Variants in EXTL1 observed in about 807,000 individuals in gnomAD.
EXTL1 encodes exostosin-like 1.
EXTL1 carries 43 observed loss-of-function variants against 64.6 expected under a neutral mutation model. The ratio of observed to expected loss-of-function variants is 0.67; its 90% CI spans 0.52 to 0.86. The LOEUF (loss-of-function observed/expected upper bound fraction) is 0.86. Among genes scored for constraint, EXTL1 ranks in the 40% least tolerant of loss-of-function variants. The probability of loss-of-function intolerance (pLI) is 0.00; values close to 1 mark genes in which losing one functional copy is unlikely to be tolerated. For synonymous variants in EXTL1, 352 were observed against 360.5 expected, an observed-to-expected ratio of 0.98 and a Z score of 0.27; for missense variants, 766 against 879.0, an observed-to-expected ratio of 0.87 and a Z score of 1.62.
rs917910835 is a variant in EXTL1 at position 26,025,594 on chromosome 1, C to A, written c.779+2169C>A. ...TTTTTCCACCTTGGTTGAACGGTCT[C>A]TTGTTGCTTTGGAATAAATCTCCAC... On this transcript the variant is annotated intron_variant, in intron 1 of 10. Coordinates refer to ENST00000374280, the MANE Select transcript of EXTL1 (RefSeq NM_004455.3). The surrounding 1 kb of genome is among the most constrained non-coding windows in gnomAD (Gnocchi z 5.3). 2.0e-5 allele frequency among the ~76,000 whole-genome samples: 3 copies of A among 152,216 alleles called. No individual in the cohort carries two copies. The South Asian group carries it at 6.2e-4, about 32-fold the overall frequency.
At chr1:26,032,317 G>A in intron 6 of EXTL1, 79 bp from the exon 7 acceptor site, 1 of 918,110 alleles carries the variant, frequency 1.1e-6, no homozygotes, top group Admixed American at 2.1e-5. Flanking sequence ...CTTCCACCTT[G>A]AGAAAGATCA....
intron 1 of EXTL1, among the ~76,000 whole-genome samples, chr1:26,024,035 CAAAG>C (rs150663703): frequency 0.02 from 3,003 of 152,252 alleles, 95 homozygotes; most frequent in African/African-American, 0.068. Flanking sequence ...ATTAACCTCT[CAAAG>C]AAACAGCCTT....
intron 2 of EXTL1, 73 bp downstream of exon 2, chr1:26,029,359 CA>C: frequency 7.9e-7 from 1 of 1,263,758 alleles, no homozygotes; most frequent in Non-Finnish European, 1.2e-6. Flanking sequence ...ACTCTGGGTC[CA>C]GGCCAATGAG....
intron 1 of EXTL1, 87 bp from the exon 2 acceptor site, chr1:26,029,106 G>T: frequency 1.1e-6 from 1 of 907,094 alleles, no homozygotes; most frequent in Non-Finnish European, 1.8e-6. Context: ...GTGCAGGGGT[G>T]TGGGGTTCTC....
rs199559877 is a variant in EXTL1, at chr1:26,033,632, T to G, written c.1519-64T>G. 9,072 of 1,557,528 alleles carry G rather than the reference T, an allele frequency of 5.8e-3. 45 individuals are homozygous for G. The highest frequency in any genetic ancestry group is 7.1e-3 in the Non-Finnish European group (8,084 of 1,141,230). On this transcript the variant is annotated intron_variant, in intron 8 of 10. Transcript: ENST00000374280. This position sits in a 1 kb window ranked among gnomAD's most constrained non-coding sequence, Gnocchi z 5.1. ...CTCAGCCAGGCTGCCCCTGCCTCCA[T>G]TTCCCTGGATGTTCTAGGCATTTAG...
chr1:26,027,458 T>C (rs2050228620), intron 1 of EXTL1, among the ~76,000 whole-genome samples: 1 of 152,148 alleles, frequency 6.6e-6, no homozygotes, highest in Non-Finnish European at 1.5e-5. Context: ...GCTTGGATCA[T>C]TACTACTGCA....
In EXTL1 at chr1:26,033,733, A is replaced by G; in HGVS notation, c.1556A>G (p.Glu519Gly). 1 of 1,614,090 alleles carries G rather than the reference A, an allele frequency of 6.2e-7. No individual in the cohort carries two copies. ...TTTCTGGTGTGGCAGAGCTTCCCAG[A>G]GCGGATGGTGGGCTTCCTGACGTCG... ...FAFLVWQSFP[E>G]RMVGFLTSSH... Residue 519 changes from glutamate to glycine, a missense_variant, in exon 9 of 11, where the codon GAG (glutamate) becomes GGG (glycine). Transcript: ENST00000374280. This position sits in a 1 kb window ranked among gnomAD's most constrained non-coding sequence, Gnocchi z 5.1.
In EXTL1 at chr1:26,034,912, G is replaced by C; in HGVS notation, c.1756G>C (p.Asp586His). Reference protein sequence around the residue: ...TLADEAPTCVDVLMNFIVAAV... With the variant: ...TLADEAPTCVHVLMNFIVAAV... ...GGCAGATGAGGCACCCACCTGTGTG[G>C]ACGTCCTGATGAATTTCATAGTAGC... Residue 586 changes from aspartate to histidine, a missense_variant, in exon 10 of 11, where the codon GAC becomes CAC. Physicochemically the swap from Asp to His is moderately conservative, Grantham distance 81. Coordinates refer to ENST00000374280, the MANE Select transcript of EXTL1 (RefSeq NM_004455.3). This position sits in a 1 kb window ranked among gnomAD's most constrained non-coding sequence, Gnocchi z 4.6. 1 of 1,614,224 alleles carries C rather than the reference G, an allele frequency of 6.2e-7. No individual in the cohort carries two copies. The highest frequency in any genetic ancestry group is 8.5e-7 in the Non-Finnish European group (1 of 1,180,034).
At chr1:26,026,898 T>C (rs900207121) in intron 1 of EXTL1, among the ~76,000 whole-genome samples, 2 of 152,248 alleles carry the variant, frequency 1.3e-5, no homozygotes, top group African/African-American at 4.8e-5. Flanking sequence ...ACACATTCCC[T>C]GTTCCCCGCC....
At position 26,029,789 on chromosome 1, in the gene EXTL1, C is replaced by T. The variant is rs892061728; in HGVS notation, c.981+82C>T. ...TAGAATCCTGGATCGAGGCTGGCCT[C>T]AGTCCTCATTCCTATCTGCCTTCTA... is the stretch of plus-strand genomic sequence containing the variant. On this transcript the variant is annotated intron_variant, in intron 3 of 10. Transcript: ENST00000374280. 5 of 867,614 alleles carry T rather than the reference C, an allele frequency of 5.8e-6. No homozygotes were observed. In the Admixed American group the frequency reaches 1.1e-4, roughly 18 times the overall value. The allele number at this position is 867,614 out of a possible 1,614,324, so 53.7% of individuals were successfully genotyped here.
Position 26,029,253 on chromosome 1 carries a change from C to T in EXTL1, c.840C>T (p.Pro280=), listed in dbSNP as rs778633649. The change falls in exon 2 of 11, where the codon CCC becomes CCT. Residue 280 remains proline (P), a synonymous_variant. Transcript: ENST00000374280. ...ATFCLISGHR[P]EAASRFLQAL... is the part of the protein sequence containing the mutation. Reference sequence around the variant, plus strand: ...TCTGCCTCATCTCTGGCCACCGTCCCGAGGCTGCCTCGCGCTTCCTCCAAG... The same window carrying T: ...TCTGCCTCATCTCTGGCCACCGTCCTGAGGCTGCCTCGCGCTTCCTCCAAG... 14 of 1,613,750 alleles carry T rather than the reference C, an allele frequency of 8.7e-6. No individual in the cohort carries two copies. Among genetic ancestry groups the T allele is most frequent in the East Asian group, 2.2e-5 (1 of 44,872 alleles).
chr1:26,029,130 C>A, intron 1 of EXTL1, 63 bp from the exon 2 acceptor site: 1 of 1,270,052 alleles, frequency 7.9e-7, no homozygotes, highest in Non-Finnish European at 1.1e-6. Context: ...TTGAGGGAGC[C>A]CAGGGGGCGA....
In EXTL1 at chr1:26,022,976, T is replaced by C. The variant is rs531863657; in HGVS notation, c.330T>C (p.Thr110=). 6.2e-6 allele frequency: 10 copies of C among 1,614,170 alleles called. No homozygotes were observed. In the Admixed American group the frequency reaches 1.5e-4, roughly 24 times the overall value. Residue 110 remains threonine (T), a synonymous_variant, in exon 1 of 11, where the codon ACT becomes ACC. Transcript: ENST00000374280. ...VYPAVGTISE[T]HRRILASIEG... is the part of the protein sequence containing the mutation. The stretch of plus-strand genomic sequence containing the variant: ...CAGCGGTTGGAACCATCTCTGAGAC[T>C]CATCGCAGGATCCTGGCTTCCATTG...
chr1:26,035,468 C>T lies in EXTL1; in HGVS notation c.*121C>T. 2 of 903,094 alleles carry T rather than the reference C, an allele frequency of 2.2e-6. No individual in the cohort carries two copies. Among genetic ancestry groups the T allele is most frequent in the Non-Finnish European group, 1.6e-6 (1 of 610,494 alleles). 55.9% of individuals were successfully genotyped at this position (903,094 alleles called of 1,614,324 possible). A position where few individuals can be genotyped will look rare whatever the true frequency, so the allele number is the denominator to read the frequency against. On this transcript the variant is annotated 3_prime_UTR_variant, in exon 11 of 11. Transcript: ENST00000374280. This position sits in a 1 kb window ranked among gnomAD's most constrained non-coding sequence, Gnocchi z 5.3. ...CCTATCATGTCAGCCAGCGGGCCCA[C>T]ACGTCGGACCCCGGTTGGCCAATCA... is the stretch of plus-strand genomic sequence containing the variant.
intron 5 of EXTL1, 92 bp downstream of exon 5, chr1:26,031,356 C>A: frequency 6.6e-7 from 1 of 1,511,632 alleles, no homozygotes; most frequent in Non-Finnish European, 9.0e-7. Flanking sequence ...AGACCCTTTC[C>A]AAGCCCTAAC....
At chr1:26,029,093 G>A (rs948756922) in intron 1 of EXTL1, 100 bp from the exon 2 acceptor site, 3 of 742,158 alleles carry the variant, frequency 4.0e-6, no homozygotes, top group Non-Finnish European at 7.0e-6. Context: ...GTGTGGGTGT[G>A]GGGTGCAGGG....
At position 26,035,534 on chromosome 1, in the gene EXTL1, A is replaced by G. The variant is rs1249864881; in HGVS notation, c.*187A>G. On this transcript the variant is annotated 3_prime_UTR_variant, in exon 11 of 11. Coordinates refer to ENST00000374280, the MANE Select transcript of EXTL1 (RefSeq NM_004455.3). The surrounding 1 kb of genome is among the most constrained non-coding windows in gnomAD (Gnocchi z 5.3). The stretch of plus-strand genomic sequence containing the variant: ...GCCTTACCTTCTCCTGCTCGCCCTC[A>G]GCCGCGGAGCCTCTGCGGAGGCTGA... 9 of 472,372 alleles carry G rather than the reference A, an allele frequency of 1.9e-5. No homozygotes were observed. The highest frequency in any genetic ancestry group is 3.4e-5 in the Non-Finnish European group (9 of 268,310). 29.3% of individuals were successfully genotyped at this position (472,372 alleles called of 1,614,324 possible).
At chr1:26,024,033 C>T (rs1557549631) in intron 1 of EXTL1, among the ~76,000 whole-genome samples, 1 of 151,848 alleles carries the variant, frequency 6.6e-6, no homozygotes, top group Non-Finnish European at 1.5e-5. Context: ...GGATTAACCT[C>T]TCAAAGAAAC....
At position 26,025,246 on chromosome 1, in the gene EXTL1, C is replaced by T. The variant is rs2050201678; in HGVS notation, c.779+1821C>T. 6.6e-6 allele frequency among the ~76,000 whole-genome samples: 1 copy of T among 152,166 alleles called. No individual in the cohort carries two copies. The highest frequency in any genetic ancestry group is 6.5e-5 in the Admixed American group (1 of 15,284). On this transcript the variant is annotated intron_variant, in intron 1 of 10. Coordinates refer to ENST00000374280, the MANE Select transcript of EXTL1 (RefSeq NM_004455.3). This position sits in a 1 kb window ranked among gnomAD's most constrained non-coding sequence, Gnocchi z 5.3. ...ACAAGTCCTGGCCAGAGAAAGAGGC[C>T]ATTCACAGTCCCTGCCACCTCCCCA...
Sources: gnomAD v4.1 joint callset for allele counts (sites outside exome capture counted in the v4.1 genomes callset) on GRCh38, gnomAD v4.1.1 for gene constraint, Gnocchi (gnomAD v3.1) non-coding constraint, MANE v1.5 for transcripts, NCBI Gene and HGNC (gene_info 2026-07-23, HGNC 2026-07-21) for gene names.